The following NCSTN variants were observed in gnomAD, a reference collection of about 807,000 sequenced individuals.
NCSTN encodes anterior pharynx-defective 2.
A neutral mutation model predicts 87.0 loss-of-function variants in NCSTN; 22 were observed. That is an observed-to-expected ratio of 0.25 (90% CI 0.18 to 0.36). NCSTN has a LOEUF of 0.36. Among genes scored for constraint, NCSTN ranks in the 10% least tolerant of loss-of-function variants. The probability of loss-of-function intolerance (pLI) is 1.00; values close to 1 mark genes in which losing one functional copy is unlikely to be tolerated. For missense variants in NCSTN, 693 were observed against 883.3 expected, an observed-to-expected ratio of 0.78 and a Z score of 2.73; for synonymous variants, 306 against 327.1, an observed-to-expected ratio of 0.94 and a Z score of 0.69.
intron 11 of NCSTN, 120 bp downstream of exon 11, chr1:160,354,410 C>G (rs1649030432): frequency 1.8e-6 from 2 of 1,108,154 alleles, no homozygotes; most frequent in Non-Finnish European, 2.7e-6. Context: ...TCAGGTCCAT[C>G]TGTATTCTTT....
At chr1:160,349,230 A>G in intron 3 of NCSTN, 108 bp downstream of exon 3, 1 of 1,448,016 alleles carries the variant, frequency 6.9e-7, no homozygotes, top group Non-Finnish European at 9.6e-7. Context: ...TGGTCTGGTC[A>G]GGGGAGAGGG....
Position 160,357,063 on chromosome 1 carries a change from A to C in NCSTN, c.1817A>C (p.Gln606Pro), listed in dbSNP as rs1344370917. 6.2e-7 allele frequency: 1 copy of C among 1,613,720 alleles called. No individual in the cohort carries two copies. The highest frequency in any genetic ancestry group is 2.2e-5 in the East Asian group (1 of 44,892). Reference protein sequence around the residue: ...NKDLYEYSWVQGPLHSNETDR... With the variant: ...NKDLYEYSWVPGPLHSNETDR... ...CAGCTGTATGAGTACTCATGGGTCC[A>C]GGGCCCTTTGCATTCTAATGAGACG... Residue 606 changes from glutamine (Q) to proline (P), a missense_variant, in exon 16 of 17, where the codon CAG (glutamine) becomes CCG (proline). Gln to Pro is a moderately conservative substitution (Grantham distance 76). Around this residue, in one of 4 missense-constraint regions of NCSTN, gnomAD observed 216 missense variants for 311.7 expected, o/e 0.69. Transcript: ENST00000294785.
chr1:160,355,359 C>A (rs575919361), intron 11 of NCSTN, among the ~76,000 whole-genome samples: 1 of 152,332 alleles, frequency 6.6e-6, no homozygotes, highest in East Asian at 1.9e-4. Context: ...AGCCATCCCC[C>A]ATATCTCCAG....
chr1:160,344,985 A>G (rs1249139938), intron 2 of NCSTN, 159 bp downstream of exon 2: 5 of 715,460 alleles, frequency 7.0e-6, no homozygotes, highest in Non-Finnish European at 2.5e-6. Context: ...GATAATTAAT[A>G]AGAACTAACA....
In NCSTN at chr1:160,353,177, A is replaced by G. The variant is rs201642962; in HGVS notation, c.1119A>G (p.Ser373=). 9.9e-6 allele frequency: 16 copies of G among 1,614,022 alleles called. No individual in the cohort carries two copies. The highest frequency in any genetic ancestry group is 5.3e-5 in the African/African-American group (4 of 74,904). The change falls in exon 10 of 17, where the codon TCA becomes TCG. Residue 373 remains serine, a synonymous_variant. Coordinates refer to ENST00000294785, the MANE Select transcript of NCSTN (RefSeq NM_015331.3). ...VELGQVALRT[S]LELWMHTDPV... ...CCCCCCAGGTGGCCTTAAGAACTTC[A>G]TTAGAGCTTTGGATGCACACAGATC...
Position 160,344,765 on chromosome 1 carries a change from C to T in NCSTN, c.129C>T (p.Pro43=). ...GNSVERKIYI[P]LNKTAPCVRL... is the part of the protein sequence containing the mutation. The stretch of plus-strand genomic sequence containing the variant: ...CAGTGGAGAGGAAGATATATATCCC[C>T]TTAAATAAAACAGCTCCCTGTGTTC... The change falls in exon 2 of 17, where the codon CCC becomes CCT. Residue 43 remains proline (P), a synonymous_variant. Coordinates refer to ENST00000294785, the MANE Select transcript of NCSTN (RefSeq NM_015331.3). The T allele has an allele frequency of 6.2e-7, 1 of 1,614,124 alleles. No individual in the cohort carries two copies. Among genetic ancestry groups the T allele is most frequent in the Non-Finnish European group, 8.5e-7 (1 of 1,180,010 alleles).
At chr1:160,355,518 G>A in intron 11 of NCSTN, 137 bp from the exon 12 acceptor site, 1 of 721,846 alleles carries the variant, frequency 1.4e-6, no homozygotes, top group Non-Finnish European at 2.5e-6. Context: ...TGCAATATGG[G>A]ATCCTGATTG....
intron 2 of NCSTN, among the ~76,000 whole-genome samples, chr1:160,348,270 T>A (rs1169096593): frequency 6.6e-6 from 1 of 152,186 alleles, no homozygotes; most frequent in Admixed American, 6.5e-5. Context: ...CCAATCTTTA[T>A]CATGTCATGA....
In NCSTN at chr1:160,352,989, C is replaced by G. The variant is rs777980682; in HGVS notation, c.1099C>G (p.Gln367Glu). The change falls in exon 9 of 17, where the codon CAG becomes GAG. Residue 367 changes from glutamine (Q) to glutamate (E), a missense_variant and splice_region_variant. By Grantham distance (29) the Gln-to-Glu change is conservative (BLOSUM62 2). Around this residue, in one of 4 missense-constraint regions of NCSTN, gnomAD observed 134 missense variants for 226.0 expected, o/e 0.59. Coordinates refer to ENST00000294785, the MANE Select transcript of NCSTN (RefSeq NM_015331.3). ...TGTTGACTCATTTGTGGAGCTGGGA[C>G]AGGTATGTGGCATGTCCCCCAGCCC... ...ENVDSFVELG[Q>E]VALRTSLELW... is the part of the protein sequence containing the mutation. The G allele has an allele frequency of 6.2e-7, 1 of 1,612,992 alleles. No individual in the cohort carries two copies. Among genetic ancestry groups the G allele is most frequent in the Admixed American group, 1.7e-5 (1 of 60,016 alleles).
chr1:160,353,998 T>TAG (rs1649004757), intron 10 of NCSTN, 120 bp from the exon 11 acceptor site: 11 of 1,090,176 alleles, frequency 1.0e-5, no homozygotes, highest in Non-Finnish European at 1.5e-5. Flanking sequence ...AAAGGTCTAC[T>TAG]AGAGATAGGG....
chr1:160,351,932 T>C, intron 7 of NCSTN, 122 bp from the exon 8 acceptor site: 3 of 1,476,600 alleles, frequency 2.0e-6, no homozygotes, highest in Non-Finnish European at 2.8e-6. Context: ...ATCTGGGCTG[T>C]GGGACTCCTG....
At position 160,343,424 on chromosome 1, in the gene NCSTN, G is replaced by C; in HGVS notation, c.28G>C (p.Ala10Pro). 2 of 1,612,794 alleles carry C rather than the reference G, an allele frequency of 1.2e-6. No homozygotes were observed. The highest frequency in any genetic ancestry group is 1.7e-6 in the Non-Finnish European group (2 of 1,179,712). The change falls in exon 1 of 17, where the codon GCT becomes CCT. Residue 10 changes from alanine (A) to proline (P), a missense_variant. By Grantham distance (27) the Ala-to-Pro change is conservative (BLOSUM62 -1). Around this residue, in one of 4 missense-constraint regions of NCSTN, gnomAD observed 235 missense variants for 233.9 expected, o/e 1.00. Coordinates refer to ENST00000294785, the MANE Select transcript of NCSTN (RefSeq NM_015331.3). Reference sequence around the variant, plus strand: ...GGCTACGGCAGGGGGTGGCTCTGGGGCTGACCCGGGAAGTCGGGGTCTCCT... The same window carrying C: ...GGCTACGGCAGGGGGTGGCTCTGGGCCTGACCCGGGAAGTCGGGGTCTCCT... MATAGGGSG[A>P]DPGSRGLLRL...
chr1:160,349,970 T>G, intron 4 of NCSTN, 135 bp from the exon 5 acceptor site: 1 of 1,126,988 alleles, frequency 8.9e-7, no homozygotes, highest in South Asian at 1.2e-5. Context: ...GTAATAGACT[T>G]CATGCCTACT....
intron 13 of NCSTN, 151 bp downstream of exon 13, chr1:160,356,109 C>T (rs773538005): frequency 8.0e-6 from 8 of 1,002,800 alleles, no homozygotes; most frequent in South Asian, 6.8e-5. Context: ...GGGTGGGCCT[C>T]ATCTGCATCT....
chr1:160,356,006 G>A (rs751328054), intron 13 of NCSTN, 48 bp downstream of exon 13: 2 of 1,513,162 alleles, frequency 1.3e-6, no homozygotes, highest in South Asian at 1.1e-5. Flanking sequence ...ACAGCAAGCT[G>A]TCCCTATCCT....
In NCSTN at chr1:160,353,157, CA is replaced by C; in HGVS notation, c.1102-2del. On this transcript the variant is annotated splice_acceptor_variant, in intron 9 of 16. Transcript: ENST00000294785. LOFTEE classifies it high-confidence loss of function. ...AAGTGTTGTTTCTTCATCCTCCCCCCAGGTGGCCTTAAGAACTTCATTAGAG... is the reference window on the plus strand; with the variant it reads ...AAGTGTTGTTTCTTCATCCTCCCCCCGGTGGCCTTAAGAACTTCATTAGAG... 1 of 1,614,056 alleles carries C rather than the reference CA, an allele frequency of 6.2e-7. No homozygotes were observed. Among genetic ancestry groups the C allele is most frequent in the Non-Finnish European group, 8.5e-7 (1 of 1,179,892 alleles).
rs541448418 is a variant in NCSTN at position 160,352,468 on chromosome 1, G to A, written c.996+262G>A. Among the ~76,000 whole-genome samples, 27 of 152,100 alleles carry A rather than the reference G, an allele frequency of 1.8e-4. 1 individual carries two copies. The highest frequency in any genetic ancestry group is 6.5e-4 in the African/African-American group (27 of 41,412). On this transcript the variant is annotated intron_variant, in intron 8 of 16. Coordinates refer to ENST00000294785, the MANE Select transcript of NCSTN (RefSeq NM_015331.3). The stretch of plus-strand genomic sequence containing the variant: ...CCCACTGATAAGATATATTGGAGGC[G>A]GCCTTTTACTTTTATTCTCTGGACT...
Position 160,355,636 on chromosome 1 carries a change from A to T in NCSTN, c.1353-19A>T, listed in dbSNP as rs1177555227. On this transcript the variant is annotated intron_variant, in intron 11 of 16. Transcript: ENST00000294785. Reference sequence around the variant, plus strand: ...CCCTGGCTAAATGTAGCCAAGGCTCATGCCGGCTTTCCTGGCAGATATTAC... The same window carrying T: ...CCCTGGCTAAATGTAGCCAAGGCTCTTGCCGGCTTTCCTGGCAGATATTAC... 6.3e-7 allele frequency: 1 copy of T among 1,587,394 alleles called. No homozygotes were observed.
At chr1:160,343,763 C>G (rs1188177088) in intron 1 of NCSTN, 1 of 665,814 alleles carries the variant, frequency 1.5e-6, no homozygotes, top group Admixed American at 2.1e-5. Flanking sequence ...CTCGTTTTTC[C>G]CACAACCCCA....
Sources: gnomAD v4.1 joint callset for allele counts (sites outside exome capture counted in the v4.1 genomes callset) on GRCh38, gnomAD v4.1.1 for gene constraint, gnomAD v4.1.1 regional missense constraint, MANE v1.5 for transcripts, NCBI Gene and HGNC (gene_info 2026-07-23, HGNC 2026-07-21) for gene names.